Variants in KHDRBS2 observed in about 807,000 individuals in gnomAD.
KHDRBS2 encodes KH RNA binding domain containing, signal transduction associated 2, also known as KH domain-containing, RNA-binding, signal transduction-associated protein 2.
In KHDRBS2, 26 loss-of-function variants were observed where a neutral mutation model predicts 44.3. The ratio of observed to expected loss-of-function variants is 0.59; its 90% CI spans 0.43 to 0.81. The LOEUF (loss-of-function observed/expected upper bound fraction) is 0.81. Among genes scored for constraint, KHDRBS2 ranks in the 40% least tolerant of loss-of-function variants. The pLI, the probability that KHDRBS2 is intolerant of heterozygous loss-of-function variation, is 0.00. For synonymous variants in KHDRBS2, 194 were observed against 151.1 expected (o/e 1.28, Z -2.08); for missense variants, 476 against 433.1 (o/e 1.10, Z -0.88).
At chr6:62,018,299 ATGTGTGTGTGTGTGTGT>A (rs1323551501) in intron 3 of KHDRBS2, among the ~76,000 whole-genome samples, 3 of 146,172 alleles carry the variant, frequency 2.1e-5, no homozygotes, top group Admixed American at 6.9e-5. Flanking sequence ...ATATATATAT[ATGTGTGTGTGTGTGTGT>A]GTGTGTGTGT....
rs1376174767 is a variant in KHDRBS2, at chr6:61,959,879, C to A, written c.483+18187G>T. ...TCTGTTAGAAATTCTTGGCTCCCTGCCTCTGTGCTCCTAAATTCTAGCTAG... is the reference window on the plus strand; with the variant it reads ...TCTGTTAGAAATTCTTGGCTCCCTGACTCTGTGCTCCTAAATTCTAGCTAG... On this transcript the variant is annotated intron_variant, in intron 4 of 8. Coordinates refer to ENST00000281156, the MANE Select transcript of KHDRBS2 (RefSeq NM_152688.4). Among the ~76,000 whole-genome samples the A allele has an allele frequency of 5.3e-5, 8 of 152,160 alleles. No homozygotes were observed. In the East Asian group the frequency reaches 1.2e-3, roughly 22 times the overall value.
At chr6:61,882,579 A>C (rs575911396) in intron 6 of KHDRBS2, among the ~76,000 whole-genome samples, 8 of 152,154 alleles carry the variant, frequency 5.3e-5, no homozygotes, top group African/African-American at 1.9e-4. Flanking sequence ...GTGATTTTCC[A>C]TCGTCAACAA....
chr6:61,908,831 A>T (rs1257868831), intron 4 of KHDRBS2, among the ~76,000 whole-genome samples: 1 of 152,152 alleles, frequency 6.6e-6, no homozygotes, highest in Non-Finnish European at 1.5e-5. Flanking sequence ...AGAATTACAA[A>T]TTACCGGGAT....
chr6:61,758,564 C>CTTGG (rs1426416130), intron 6 of KHDRBS2, among the ~76,000 whole-genome samples: 1 of 151,892 alleles, frequency 6.6e-6, no homozygotes, highest in African/African-American at 2.4e-5. Flanking sequence ...CAGTGTTGTA[C>CTTGG]TTGGTAGTTT....
intron 6 of KHDRBS2, among the ~76,000 whole-genome samples, chr6:61,873,698 T>C (rs1798990443): frequency 6.6e-6 from 1 of 151,874 alleles, no homozygotes; most frequent in Admixed American, 6.6e-5. Context: ...AAAATTCTGA[T>C]ATTTTCATTA....
intron 4 of KHDRBS2, among the ~76,000 whole-genome samples, chr6:61,964,571 C>CT (rs1433086482): frequency 3.3e-5 from 5 of 151,926 alleles, no homozygotes; most frequent in African/African-American, 9.7e-5. Context: ...AAAAAATAAG[C>CT]TTTTTTCTCC....
At chr6:62,219,520 G>GATAA (rs1414759279) in intron 1 of KHDRBS2, among the ~76,000 whole-genome samples, 33 of 151,266 alleles carry the variant, frequency 2.2e-4, no homozygotes, top group Non-Finnish European at 4.6e-4. Context: ...TAAATACAAA[G>GATAA]ATAAATAGTA....
At chr6:61,951,702 C>T (rs1516718) in intron 4 of KHDRBS2, among the ~76,000 whole-genome samples, 52,033 of 151,892 alleles carry the variant, frequency 0.34, 9,081 homozygotes, top group Middle Eastern at 0.41. Flanking sequence ...TGAACACTCA[C>T]AGGAGCCACT....
intron 6 of KHDRBS2, among the ~76,000 whole-genome samples, chr6:61,856,517 T>A (rs1483100226): frequency 6.6e-6 from 1 of 151,842 alleles, no homozygotes; most frequent in Non-Finnish European, 1.5e-5. Flanking sequence ...CTATTGGATA[T>A]GATAAAAATA....
chr6:61,546,225 T>G, the KHDRBS2 span, among the ~76,000 whole-genome samples: 14 of 152,020 alleles, frequency 9.2e-5, no homozygotes, highest in South Asian at 2.1e-4. Context: ...AATTATATAT[T>G]AATAAGTAGG....
intron 6 of KHDRBS2, among the ~76,000 whole-genome samples, chr6:61,734,168 A>G (rs1354613720): frequency 6.6e-6 from 1 of 152,140 alleles, no homozygotes. Flanking sequence ...TTATTTACAT[A>G]CGAAGCTTTC....
At chr6:61,958,564 G>C (rs1191112911) in intron 4 of KHDRBS2, among the ~76,000 whole-genome samples, 1 of 152,038 alleles carries the variant, frequency 6.6e-6, no homozygotes, top group African/African-American at 2.4e-5. Context: ...TTCCACTTCA[G>C]TGATCCATTG....
chr6:61,858,250 G>GA lies in KHDRBS2; in HGVS notation c.810+36384dup, dbSNP rs35574903. ...TTTAAGAATCTCTCATGCAATTTAA[G>GA]AAAAAAAAAAACTATATAATGTAAT... On this transcript the variant is annotated intron_variant, in intron 6 of 8. Transcript: ENST00000281156. Among the ~76,000 whole-genome samples, 232 of 141,286 alleles carry GA rather than the reference G, an allele frequency of 1.6e-3. 1 individual carries two copies. The highest frequency in any genetic ancestry group is 0.011 in the East Asian group (55 of 4,846). 92.7% of individuals were successfully genotyped at this position (141,286 alleles called of 152,430 possible). A position where few individuals can be genotyped will look rare whatever the true frequency, so the allele number is the denominator to read the frequency against.
chr6:62,060,282 G>A (rs1216019551), intron 2 of KHDRBS2, among the ~76,000 whole-genome samples: 1 of 151,736 alleles, frequency 6.6e-6, no homozygotes, highest in East Asian at 2.0e-4. Flanking sequence ...TTGAATTGAG[G>A]GATGGGCTGG....
At chr6:61,906,215 T>C (rs1175930371) in intron 4 of KHDRBS2, among the ~76,000 whole-genome samples, 4 of 152,120 alleles carry the variant, frequency 2.6e-5, no homozygotes, top group Non-Finnish European at 5.9e-5. Context: ...ACTGAACATA[T>C]TCTGTGCATT....
At chr6:61,815,234 C>T (rs1444995285) in intron 6 of KHDRBS2, among the ~76,000 whole-genome samples, 6 of 151,546 alleles carry the variant, frequency 4.0e-5, no homozygotes, top group South Asian at 2.1e-4. Context: ...ATATGCTAGA[C>T]GAAGGGATGA....
intron 6 of KHDRBS2, among the ~76,000 whole-genome samples, chr6:61,815,088 C>A (rs1445435201): frequency 6.6e-6 from 1 of 151,900 alleles, no homozygotes; most frequent in Non-Finnish European, 1.5e-5. Flanking sequence ...ACAGGCACAA[C>A]CACTCATTTT....
the KHDRBS2 span, among the ~76,000 whole-genome samples, chr6:61,625,012 G>T: frequency 6.6e-6 from 1 of 152,134 alleles, no homozygotes; most frequent in Non-Finnish European, 1.5e-5. Flanking sequence ...CCTGGCAGGA[G>T]AAATTGAACC....
chr6:61,552,903 T>C, the KHDRBS2 span, among the ~76,000 whole-genome samples: 1 of 152,204 alleles, frequency 6.6e-6, no homozygotes, highest in Non-Finnish European at 1.5e-5. Context: ...GGTTTGCTAA[T>C]ATTTTACTGA....
Sources: allele counts gnomAD v4.1 joint callset (sites outside exome capture counted in the v4.1 genomes callset), GRCh38; gene constraint gnomAD v4.1.1; transcripts MANE v1.5; gene names NCBI Gene and HGNC (gene_info 2026-07-23, HGNC 2026-07-21).